The following EOGT variants were observed in gnomAD, a reference collection of about 807,000 sequenced individuals.
EOGT encodes the protein EGF domain specific O-linked N-acetylglucosamine transferase, also known as EGF domain-specific O-linked N-acetylglucosamine transferase.
EOGT carries 55 observed loss-of-function variants against 70.5 expected under a neutral mutation model. The ratio of observed to expected loss-of-function variants is 0.78; its 90% CI spans 0.63 to 0.98. EOGT has a LOEUF of 0.98. Ranked by LOEUF, EOGT falls within the 50% of genes least tolerant of loss-of-function variation. The probability of loss-of-function intolerance (pLI) is 0.00; values close to 1 mark genes in which losing one functional copy is unlikely to be tolerated. For missense variants in EOGT, 703 were observed against 641.9 expected (o/e 1.10, Z -1.03); for synonymous variants, 246 against 217.1 (o/e 1.13, Z -1.17).
intron 7 of EOGT, among the ~76,000 whole-genome samples, chr3:69,004,906 T>C (rs2091398532): frequency 6.6e-6 from 1 of 151,696 alleles, no homozygotes; most frequent in South Asian, 2.1e-4. Context: ...TCTTCAAAAA[T>C]TAAAAAATTA....
chr3:69,009,947 A>T, intron 3 of EOGT, 87 bp from the exon 4 acceptor site: 1 of 337,746 alleles, frequency 3.0e-6, no homozygotes, highest in Non-Finnish European at 5.3e-6. Flanking sequence ...AAAAAAAAAA[A>T]AACAAAGGGT....
chr3:68,986,669 T>G (rs1169088115), intron 14 of EOGT, among the ~76,000 whole-genome samples: 2 of 152,140 alleles, frequency 1.3e-5, no homozygotes, highest in Non-Finnish European at 2.9e-5. Flanking sequence ...TCCATCCACA[T>G]CCCCAGTCTC....
intron 16 of EOGT, among the ~76,000 whole-genome samples, chr3:68,978,910 A>C (rs956148943): frequency 5.9e-5 from 9 of 152,162 alleles, no homozygotes; most frequent in African/African-American, 2.2e-4. Flanking sequence ...GAAATGACAG[A>C]GATAGAATCC....
chr3:68,989,748 C>CAAAAAAAAAAAA (rs56000169), intron 10 of EOGT, among the ~76,000 whole-genome samples: 1 of 93,238 alleles, frequency 1.1e-5, no homozygotes, highest in African/African-American at 4.3e-5. Flanking sequence ...AACTCCATCT[C>CAAAAAAAAAAAA]AAAAAAAAAA....
intron 15 of EOGT, among the ~76,000 whole-genome samples, chr3:68,980,862 T>C (rs1173206744): frequency 2.0e-5 from 3 of 152,064 alleles, no homozygotes; most frequent in Admixed American, 6.5e-5. Flanking sequence ...TACTAGTATT[T>C]CCCGCAGACT....
At chr3:68,999,153 G>A (rs2091235159) in intron 9 of EOGT, among the ~76,000 whole-genome samples, 1 of 152,142 alleles carries the variant, frequency 6.6e-6, no homozygotes, top group South Asian at 2.1e-4. Flanking sequence ...ATAGAAATGG[G>A]AAATAGTTAC....
chr3:69,004,676 C>T (rs1373634736), intron 7 of EOGT, among the ~76,000 whole-genome samples, 194 bp from the exon 8 acceptor site: 1 of 152,138 alleles, frequency 6.6e-6, no homozygotes, highest in African/African-American at 2.4e-5. Context: ...CACAACCCAA[C>T]TTTGCAATGC....
intron 4 of EOGT, among the ~76,000 whole-genome samples, 185 bp from the exon 5 acceptor site, chr3:69,008,713 ATCC>A (rs1476903370): frequency 3.3e-5 from 5 of 152,212 alleles, no homozygotes; most frequent in Admixed American, 2.0e-4. Context: ...GTTCTTAACA[ATCC>A]TCCTTACTCA....
chr3:68,998,449 C>T (rs2091211404), intron 9 of EOGT, among the ~76,000 whole-genome samples: 1 of 152,172 alleles, frequency 6.6e-6, no homozygotes, highest in African/African-American at 2.4e-5. Context: ...ACTACAGGGC[C>T]ATGAAGACAA....
chr3:68,984,220 C>CTT (rs1434414021), intron 14 of EOGT, among the ~76,000 whole-genome samples: 1 of 151,522 alleles, frequency 6.6e-6, no homozygotes, highest in Non-Finnish European at 1.5e-5. Flanking sequence ...CTCTCTCTCT[C>CTT]TCACACTCAC....
At chr3:69,002,628 C>CA (rs1223460584) in intron 8 of EOGT, among the ~76,000 whole-genome samples, 1,960 of 117,994 alleles carry the variant, frequency 0.017, 38 homozygotes, top group African/African-American at 0.056. Flanking sequence ...TCTTTAAGGA[C>CA]AAAAAAAAAA....
intron 10 of EOGT, among the ~76,000 whole-genome samples, chr3:68,995,749 C>A (rs1037275308): frequency 3.9e-5 from 6 of 152,290 alleles, no homozygotes; most frequent in African/African-American, 1.4e-4. Flanking sequence ...AGGTAGAGTC[C>A]TCTTCAGAGG....
intron 14 of EOGT, among the ~76,000 whole-genome samples, chr3:68,984,152 T>C (rs1348532334): frequency 1.3e-5 from 2 of 152,148 alleles, no homozygotes; most frequent in East Asian, 3.9e-4. Flanking sequence ...CAGTGCACTC[T>C]ATTGTCCTGC....
chr3:69,009,898 T>G, intron 3 of EOGT, 38 bp from the exon 4 acceptor site: 1 of 1,340,936 alleles, frequency 7.5e-7, no homozygotes, highest in Non-Finnish European at 1.0e-6. Flanking sequence ...TTAACAAATT[T>G]CCTTTAAAAG....
intron 8 of EOGT, among the ~76,000 whole-genome samples, chr3:69,004,157 C>T (rs2091375985): frequency 6.6e-6 from 1 of 152,058 alleles, no homozygotes; most frequent in Non-Finnish European, 1.5e-5. Context: ...TGATTTTTTT[C>T]TTTCATTAGC....
In EOGT at chr3:69,007,643, C is replaced by G. The variant is rs2091471901; in HGVS notation, c.420+70G>C. ...CTCCAGCCAGGGCAATAGACAGAAA[C>G]TCCGTCTCAAAAATAAATAAAATTA... On this transcript the variant is annotated intron_variant, in intron 6 of 17. Transcript: ENST00000383701. 2.8e-6 allele frequency: 3 copies of G among 1,056,852 alleles called. No homozygotes were observed. The South Asian group carries it at 4.5e-5, about 16-fold the overall frequency. The allele number at this position is 1,056,852 out of a possible 1,614,324, so 65.5% of individuals were successfully genotyped here. A position where few individuals can be genotyped will look rare whatever the true frequency, so the allele number is the denominator to read the frequency against.
In EOGT at chr3:68,977,324, C is replaced by CAAA. The variant is rs59164738; in HGVS notation, c.*291_*293dup. 2.7e-5 allele frequency: 5 copies of CAAA among 183,176 alleles called. No individual in the cohort carries two copies. The highest frequency in any genetic ancestry group is 5.2e-5 in the Non-Finnish European group (5 of 95,348). 11.3% of individuals were successfully genotyped at this position (183,176 alleles called of 1,614,324 possible). On this transcript the variant is annotated 3_prime_UTR_variant, in exon 18 of 18. Transcript: ENST00000383701. ...CTGGGTGACAGTGAGACTCTGTCTC[C>CAAA]AAAAAAAAAAAAAGAAAGAAAGAAA...
chr3:68,996,194 G>A lies in EOGT; in HGVS notation c.831+1817C>T, dbSNP rs537655618. Among the ~76,000 whole-genome samples the A allele has an allele frequency of 1.1e-4, 17 of 152,214 alleles. No homozygotes were observed. In the South Asian group the frequency reaches 1.2e-3, roughly 11 times the overall value. ...GAGGAAAATGTAAATGCATATAGAC[G>A]GAAAATAAAGCATTAACACGCCAAG... On this transcript the variant is annotated intron_variant, in intron 10 of 17. Coordinates refer to ENST00000383701, the MANE Select transcript of EOGT (RefSeq NM_001278689.2).
intron 3 of EOGT, among the ~76,000 whole-genome samples, chr3:69,010,548 T>G (rs1279663113): frequency 6.6e-6 from 1 of 152,240 alleles, no homozygotes; most frequent in East Asian, 1.9e-4. Context: ...GCACCTAAGC[T>G]TTCCCATCTG....
Sources: allele counts gnomAD v4.1 joint callset (sites outside exome capture counted in the v4.1 genomes callset), GRCh38; gene constraint gnomAD v4.1.1; transcripts MANE v1.5; gene names NCBI Gene and HGNC (gene_info 2026-07-23, HGNC 2026-07-21).